The following LGR5 variants were observed in gnomAD, a reference collection of about 807,000 sequenced individuals.
LGR5 encodes leucine rich repeat containing G protein-coupled receptor 5.
LGR5 carries 54 observed loss-of-function variants against 76.7 expected under a neutral mutation model. The observed-to-expected ratio is 0.70, with a 90% confidence interval of 0.57 to 0.88. The LOEUF (loss-of-function observed/expected upper bound fraction) is 0.88, where lower values mean the gene tolerates loss of function less well. Ranked by LOEUF, LGR5 falls within the 40% of genes least tolerant of loss-of-function variation. The pLI is 0.00. For missense variants in LGR5, 1,078 were observed against 1,073.3 expected, an observed-to-expected ratio of 1.00 and a Z score of -0.06; for synonymous variants, 406 against 421.9, an observed-to-expected ratio of 0.96 and a Z score of 0.46.
intron 1 of LGR5, among the ~76,000 whole-genome samples, chr12:71,476,886 T>G (rs1164174604): frequency 6.6e-6 from 1 of 152,216 alleles, no homozygotes; most frequent in Non-Finnish European, 1.5e-5. Flanking sequence ...AGCAGATATT[T>G]GCATAACTGC....
At chr12:71,559,171 C>G (rs1232849242) in intron 6 of LGR5, among the ~76,000 whole-genome samples, 1 of 152,128 alleles carries the variant, frequency 6.6e-6, no homozygotes, top group East Asian at 1.9e-4. Context: ...AAGGAGGGAA[C>G]AAGAAAAGGG....
In LGR5 at chr12:71,543,781, T is replaced by C. The variant is rs1877000630; in HGVS notation, c.428+8595T>C. Among the ~76,000 whole-genome samples the C allele has an allele frequency of 2.0e-5, 3 of 152,140 alleles. No homozygotes were observed. The South Asian group carries it at 6.2e-4, about 32-fold the overall frequency. On this transcript the variant is annotated intron_variant, in intron 4 of 17. Coordinates refer to ENST00000266674, the MANE Select transcript of LGR5 (RefSeq NM_003667.4). ...GGTGTGAAGAGATAAGAGAATTAACTAGACAGTGGAAATGGAAAGTCTCGG... is the reference window on the plus strand; with the variant it reads ...GGTGTGAAGAGATAAGAGAATTAACCAGACAGTGGAAATGGAAAGTCTCGG...
At chr12:71,493,951 T>A (rs1319409237) in intron 1 of LGR5, among the ~76,000 whole-genome samples, 1 of 147,504 alleles carries the variant, frequency 6.8e-6, no homozygotes, top group African/African-American at 2.6e-5. Context: ...TGATTTTTTT[T>A]TTTTTTTTTT....
At chr12:71,555,500 C>T (rs1434539934) in intron 5 of LGR5, among the ~76,000 whole-genome samples, 4 of 152,178 alleles carry the variant, frequency 2.6e-5, no homozygotes, top group Non-Finnish European at 5.9e-5. Flanking sequence ...TAACTAATCT[C>T]CTTGGGCAGC....
chr12:71,477,544 C>T (rs1873393812), intron 1 of LGR5, among the ~76,000 whole-genome samples: 1 of 150,120 alleles, frequency 6.7e-6, no homozygotes, highest in Non-Finnish European at 1.5e-5. Flanking sequence ...TCATTTTAAC[C>T]TAGAATAAAA....
intron 13 of LGR5, among the ~76,000 whole-genome samples, chr12:71,577,635 C>T (rs897322783): frequency 1.3e-5 from 2 of 152,150 alleles, no homozygotes; most frequent in Non-Finnish European, 2.9e-5. Context: ...TTTAGAAAGG[C>T]CCTAATAAAA....
At chr12:71,448,116 C>T (rs771157452) in intron 1 of LGR5, among the ~76,000 whole-genome samples, 2 of 150,190 alleles carry the variant, frequency 1.3e-5, no homozygotes, top group Non-Finnish European at 3.0e-5. Context: ...CACACACAAA[C>T]TGTGGTGACT....
At chr12:71,499,763 C>A (rs1874509243) in intron 1 of LGR5, among the ~76,000 whole-genome samples, 1 of 152,118 alleles carries the variant, frequency 6.6e-6, no homozygotes, top group Non-Finnish European at 1.5e-5. Flanking sequence ...TTTAATTCTT[C>A]AGCCCCTCAA....
Position 71,440,002 on chromosome 12 carries a change from G to T in LGR5, c.-79G>T. The T allele has an allele frequency of 4.2e-6, 6 of 1,414,454 alleles. No homozygotes were observed. Among genetic ancestry groups the T allele is most frequent in the East Asian group, 2.4e-5 (1 of 41,832 alleles). The allele number at this position is 1,414,454 out of a possible 1,614,324, so 87.6% of individuals were successfully genotyped here. ...GAGTTGCAGAAGCCCACGGAGCGGCGCCCGGCGCGCCACGGCCCGTAGCAG... is the reference window on the plus strand; with the variant it reads ...GAGTTGCAGAAGCCCACGGAGCGGCTCCCGGCGCGCCACGGCCCGTAGCAG... On this transcript the variant is annotated 5_prime_UTR_variant, in exon 1 of 18. Coordinates refer to ENST00000266674, the MANE Select transcript of LGR5 (RefSeq NM_003667.4). The surrounding 1 kb of genome is among the most constrained non-coding windows in gnomAD (Gnocchi z 5.3).
intron 1 of LGR5, among the ~76,000 whole-genome samples, chr12:71,486,734 C>G (rs1873844132): frequency 6.6e-6 from 1 of 151,792 alleles, no homozygotes; most frequent in Admixed American, 6.6e-5. Flanking sequence ...AGATTGTACT[C>G]CTTGAAGAGA....
chr12:71,496,691 T>C (rs1406976067), intron 1 of LGR5, among the ~76,000 whole-genome samples: 1 of 152,154 alleles, frequency 6.6e-6, no homozygotes, highest in Admixed American at 6.5e-5. Flanking sequence ...CAAATCTCCA[T>C]CAACAGTTGA....
At chr12:71,532,784 G>A (rs574709693) in intron 3 of LGR5, among the ~76,000 whole-genome samples, 14 of 151,246 alleles carry the variant, frequency 9.3e-5, no homozygotes, top group African/African-American at 3.4e-4. Context: ...TCTTCCTCAA[G>A]TTCAAATGAA....
At position 71,472,032 on chromosome 12, in the gene LGR5, C is replaced by T. The variant is rs149891870; in HGVS notation, c.212+31740C>T. Reference sequence around the variant, plus strand: ...TAGAAGGGCGGTGAGGGATAAAAGACGACACATTGGGTACAGTGTTCACTG... The same window carrying T: ...TAGAAGGGCGGTGAGGGATAAAAGATGACACATTGGGTACAGTGTTCACTG... On this transcript the variant is annotated intron_variant, in intron 1 of 17. Coordinates refer to ENST00000266674, the MANE Select transcript of LGR5 (RefSeq NM_003667.4). Among the ~76,000 whole-genome samples, 129 of 152,160 alleles carry T rather than the reference C, an allele frequency of 8.5e-4. 2 individuals carry two copies. In the South Asian group the frequency reaches 1.0e-2, roughly 12 times the overall value.
chr12:71,563,651 C>G (rs1219452485), intron 8 of LGR5, among the ~76,000 whole-genome samples: 1 of 152,152 alleles, frequency 6.6e-6, no homozygotes, highest in East Asian at 1.9e-4. Flanking sequence ...TTCTTACTTC[C>G]TTTGCTCCTA....
chr12:71,577,953 A>C lies in LGR5; in HGVS notation c.1237A>C (p.Ile413Leu), dbSNP rs773415068. Residue 413 changes from isoleucine to leucine, a missense_variant, in exon 14 of 18, where the codon ATT becomes CTT. Coordinates refer to ENST00000266674, the MANE Select transcript of LGR5 (RefSeq NM_003667.4). ...TTTGGCTTGGAACAAAATTGCTATT[A>C]TTCACCCCAATGCATTTTCCACTTT... ...LNLAWNKIAI[I>L]HPNAFSTLPS... is the part of the protein sequence containing the mutation. 7 of 1,613,712 alleles carry C rather than the reference A, an allele frequency of 4.3e-6. No individual in the cohort carries two copies. The Admixed American group carries it at 1.2e-4, about 27-fold the overall frequency.
At chr12:71,521,813 C>G (rs2137336768) in intron 2 of LGR5, among the ~76,000 whole-genome samples, 1 of 152,268 alleles carries the variant, frequency 6.6e-6, no homozygotes, top group African/African-American at 2.4e-5. Context: ...AAGAGAATAT[C>G]CAGGTTTGAG....
chr12:71,512,181 G>A (rs955196747), intron 2 of LGR5, among the ~76,000 whole-genome samples: 4 of 152,058 alleles, frequency 2.6e-5, no homozygotes, highest in African/African-American at 9.7e-5. Flanking sequence ...AGTAGAGATG[G>A]GGTTTCACCA....
At chr12:71,460,812 T>C (rs1352080287) in intron 1 of LGR5, among the ~76,000 whole-genome samples, 1 of 152,090 alleles carries the variant, frequency 6.6e-6, no homozygotes, top group African/African-American at 2.4e-5. Flanking sequence ...GCGCCTCCAT[T>C]TCCTATTGTA....
intron 1 of LGR5, among the ~76,000 whole-genome samples, chr12:71,469,373 A>G (rs1381533595): frequency 6.6e-6 from 1 of 152,226 alleles, no homozygotes. Context: ...AAACAGGGCA[A>G]ACTCCTGGCG....
Sources: allele counts gnomAD v4.1 joint callset (sites outside exome capture counted in the v4.1 genomes callset), GRCh38; gene constraint gnomAD v4.1.1; non-coding constraint Gnocchi (gnomAD v3.1); transcripts MANE v1.5; gene names NCBI Gene and HGNC (gene_info 2026-07-23, HGNC 2026-07-21).